The following EMCN variants were observed in gnomAD, a reference collection of about 807,000 sequenced individuals.
EMCN encodes endomucin.
In EMCN, 37 loss-of-function variants were observed where a neutral mutation model predicts 38.4. That is an observed-to-expected ratio of 0.96 (90% CI 0.74 to 1.27). The LOEUF is 1.27. Ranked by LOEUF, EMCN falls within the 50% of genes most tolerant of loss-of-function variation. EMCN has a pLI of 0.00. For missense variants in EMCN, 318 were observed against 302.8 expected (o/e 1.05, Z -0.37); for synonymous variants, 95 against 100.8 (o/e 0.94, Z 0.35).
chr4:100,423,193 G>T, intron 6 of EMCN, 113 bp from the exon 7 acceptor site: 1 of 1,330,092 alleles, frequency 7.5e-7, no homozygotes, highest in Non-Finnish European at 1.1e-6. Context: ...GATGCTGCAA[G>T]TGCAAAAGAT....
At chr4:100,449,927 A>G (rs955238105) in intron 4 of EMCN, among the ~76,000 whole-genome samples, 7 of 152,026 alleles carry the variant, frequency 4.6e-5, no homozygotes, top group Admixed American at 2.0e-4. Context: ...CCTGAAATCA[A>G]GAAAATATTT....
In EMCN at chr4:100,421,364, C is replaced by G. The variant is rs1266739594; in HGVS notation, c.582G>C (p.Pro194=). 6.2e-7 allele frequency: 1 copy of G among 1,612,004 alleles called. No homozygotes were observed. Among genetic ancestry groups the G allele is most frequent in the East Asian group, 2.2e-5 (1 of 44,802 alleles). The change falls in exon 8 of 12, where the codon CCG becomes CCC. Residue 194 remains proline, a synonymous_variant. Coordinates refer to ENST00000296420, the MANE Select transcript of EMCN (RefSeq NM_016242.4). ...TSRSYSSIIL[P]VVIALIVITL... is the part of the protein sequence containing the mutation. ...TTATTACAATCAAAGCAATAACCAC[C>G]GGCAAAATAATACCTAAAAAGAATT...
intron 1 of EMCN, among the ~76,000 whole-genome samples, chr4:100,515,206 G>A (rs954593885): frequency 6.6e-6 from 1 of 152,020 alleles, no homozygotes; most frequent in African/African-American, 2.4e-5. Flanking sequence ...AGTGCATATT[G>A]TTTCCTTCTT....
chr4:100,457,716 C>T (rs1237826529), intron 4 of EMCN, among the ~76,000 whole-genome samples: 7 of 152,052 alleles, frequency 4.6e-5, no homozygotes, highest in Non-Finnish European at 7.4e-5. Flanking sequence ...TTTTGTTGAA[C>T]GTATTTGCAT....
chr4:100,430,370 A>C (rs1325672838), intron 5 of EMCN, among the ~76,000 whole-genome samples: 1 of 151,902 alleles, frequency 6.6e-6, no homozygotes, highest in Non-Finnish European at 1.5e-5. Context: ...TAAGGACATG[A>C]CTCTTATTTT....
chr4:100,427,876 C>T (rs2110224192), intron 5 of EMCN, among the ~76,000 whole-genome samples: 1 of 152,230 alleles, frequency 6.6e-6, no homozygotes, highest in South Asian at 2.1e-4. Context: ...AGCAGACATT[C>T]CTTCCAATTG....
intron 1 of EMCN, among the ~76,000 whole-genome samples, chr4:100,496,324 C>T (rs536311817): frequency 1.3e-3 from 198 of 152,184 alleles, no homozygotes; most frequent in Non-Finnish European, 2.2e-3. Context: ...GTCCTAAAAA[C>T]TCTTGTCGAT....
intron 2 of EMCN, among the ~76,000 whole-genome samples, chr4:100,475,376 T>A (rs953848382): frequency 2.6e-5 from 4 of 151,194 alleles, no homozygotes; most frequent in Non-Finnish European, 4.4e-5. Flanking sequence ...CCACTGAAGA[T>A]TGTTACTTAG....
At chr4:100,493,286 A>G (rs575644778) in intron 1 of EMCN, among the ~76,000 whole-genome samples, 3 of 152,330 alleles carry the variant, frequency 2.0e-5, no homozygotes, top group African/African-American at 7.2e-5. Context: ...TTTATAAATT[A>G]TACTTATTAT....
chr4:100,473,365 G>GTT, intron 3 of EMCN, among the ~76,000 whole-genome samples: 406 of 29,754 alleles, frequency 0.014, 13 homozygotes, highest in Middle Eastern at 0.05. Flanking sequence ...CCCGTTTCGT[G>GTT]TTTTTTTGTT....
rs972870034 is a variant in EMCN, at chr4:100,515,607, C to T, written c.64+2244G>A. The stretch of plus-strand genomic sequence containing the variant: ...ATAATTATTTAGGAATAAATTACTA[C>T]GCAAAAGAGCATGGATCTGCTTGAC... On this transcript the variant is annotated intron_variant, in intron 1 of 11. Coordinates refer to ENST00000296420, the MANE Select transcript of EMCN (RefSeq NM_016242.4). Among the ~76,000 whole-genome samples the T allele has an allele frequency of 5.3e-5, 8 of 151,952 alleles. No individual in the cohort carries two copies. In the East Asian group the frequency reaches 9.6e-4, roughly 18 times the overall value.
chr4:100,514,341 T>A (rs1226933417), intron 1 of EMCN, among the ~76,000 whole-genome samples: 1 of 152,094 alleles, frequency 6.6e-6, no homozygotes, highest in Non-Finnish European at 1.5e-5. Flanking sequence ...TCTCCTTCAC[T>A]GCCAGTCAAT....
At chr4:100,488,436 T>C (rs1289710390) in intron 1 of EMCN, among the ~76,000 whole-genome samples, 2 of 152,218 alleles carry the variant, frequency 1.3e-5, no homozygotes, top group South Asian at 2.1e-4. Context: ...CTTTAGTGTG[T>C]TGATCTACCC....
At chr4:100,512,951 A>C (rs1466508931) in intron 1 of EMCN, among the ~76,000 whole-genome samples, 1 of 152,224 alleles carries the variant, frequency 6.6e-6, no homozygotes, top group African/African-American at 2.4e-5. Context: ...AATTATTCAC[A>C]AGTTAAAATA....
intron 1 of EMCN, among the ~76,000 whole-genome samples, chr4:100,502,186 C>G (rs1412417331): frequency 6.6e-6 from 1 of 152,092 alleles, no homozygotes; most frequent in Non-Finnish European, 1.5e-5. Flanking sequence ...ACATAGCTCA[C>G]GAAGAGCCTG....
chr4:100,508,651 A>T (rs1729545861), intron 1 of EMCN, among the ~76,000 whole-genome samples: 1 of 152,190 alleles, frequency 6.6e-6, no homozygotes, highest in African/African-American at 2.4e-5. Context: ...TTTACAATTG[A>T]ATTTTCATAA....
chr4:100,473,365 G>GGTTTTTTTTTT (rs1728533364), intron 3 of EMCN, among the ~76,000 whole-genome samples: 1 of 29,878 alleles, frequency 3.3e-5, no homozygotes, highest in African/African-American at 8.0e-5. Flanking sequence ...CCCGTTTCGT[G>GGTTTTTTTTTT]TTTTTTTGTT....
chr4:100,484,407 A>G (rs1351955533), intron 1 of EMCN, among the ~76,000 whole-genome samples: 3 of 152,154 alleles, frequency 2.0e-5, no homozygotes, highest in Non-Finnish European at 4.4e-5. Flanking sequence ...GATAATTGTC[A>G]AATAGTCACT....
At chr4:100,414,666 C>T (rs914219437) in intron 10 of EMCN, among the ~76,000 whole-genome samples, 9 of 152,204 alleles carry the variant, frequency 5.9e-5, no homozygotes, top group African/African-American at 1.9e-4. Flanking sequence ...CTCTTCAACT[C>T]TTCTGTTTGC....
Sources: allele counts gnomAD v4.1 joint callset (sites outside exome capture counted in the v4.1 genomes callset), GRCh38; gene constraint gnomAD v4.1.1; transcripts MANE v1.5; gene names NCBI Gene and HGNC (gene_info 2026-07-23, HGNC 2026-07-21).